Variants in CYTH3 observed in about 807,000 individuals in gnomAD.
The protein encoded by CYTH3 is cytohesin-3.
A neutral mutation model predicts 55.1 loss-of-function variants in CYTH3; 23 were observed. That is an observed-to-expected ratio of 0.42 (90% CI 0.30 to 0.59). The LOEUF (loss-of-function observed/expected upper bound fraction) is 0.59, where lower values mean the gene tolerates loss of function less well. CYTH3 is among the 20% of genes least tolerant of loss of function. The pLI, the probability that CYTH3 is intolerant of heterozygous loss-of-function variation, is 0.20. For missense variants in CYTH3, 413 were observed against 524.8 expected, an observed-to-expected ratio of 0.79 and a Z score of 2.08; for synonymous variants, 249 against 194.9, an observed-to-expected ratio of 1.28 and a Z score of -2.31.
chr7:6,170,485 T>G lies in CYTH3; in HGVS notation c.823+50A>C, dbSNP rs1783146156. On this transcript the variant is annotated intron_variant, in intron 9 of 12. Transcript: ENST00000350796. The surrounding 1 kb of genome is among the most constrained non-coding windows in gnomAD (Gnocchi z 7.8). The stretch of plus-strand genomic sequence containing the variant: ...GCCTGGGAGGAACCCGAGGGGCTGC[T>G]GCCATGGGCAGAGGGGTCACGCCCG... 1 of 1,547,762 alleles carries G rather than the reference T, an allele frequency of 6.5e-7. No homozygotes were observed. The highest frequency in any genetic ancestry group is 8.8e-7 in the Non-Finnish European group (1 of 1,130,880).
chr7:6,185,426 T>G (rs965978807), intron 4 of CYTH3, among the ~76,000 whole-genome samples: 4 of 150,716 alleles, frequency 2.7e-5, no homozygotes, highest in South Asian at 2.1e-4. Flanking sequence ...CCGGGTGCAC[T>G]GGGCTCACGC....
chr7:6,164,583 T>C lies in CYTH3; in HGVS notation c.*361A>G. The C allele has an allele frequency of 3.3e-6, 1 of 301,074 alleles. No homozygotes were observed. Among genetic ancestry groups the C allele is most frequent in the Non-Finnish European group, 6.3e-6 (1 of 158,992 alleles). 18.7% of individuals were successfully genotyped at this position (301,074 alleles called of 1,614,324 possible). A position where few individuals can be genotyped will look rare whatever the true frequency, so the allele number is the denominator to read the frequency against. ...TGTGGAATCCGTCCCGTGTCTGCTG[T>C]GGAGACAGCGGAAGCTGCTGTCCTG... On this transcript the variant is annotated 3_prime_UTR_variant, in exon 13 of 13. Coordinates refer to ENST00000350796, the MANE Select transcript of CYTH3 (RefSeq NM_004227.4).
chr7:6,194,615 G>A (rs182151844), intron 1 of CYTH3, among the ~76,000 whole-genome samples: 2 of 152,294 alleles, frequency 1.3e-5, no homozygotes, highest in East Asian at 1.9e-4. Context: ...AGGTATATCA[G>A]AAAAATTTCT....
Position 6,171,219 on chromosome 7 carries a change from C to G in CYTH3, c.545G>C (p.Gly182Ala). Residue 182 changes from glycine (G) to alanine (A), a missense_variant, in exon 7 of 13, where the codon GGG (glycine) becomes GCG (alanine). Physicochemically the swap from Gly to Ala is moderately conservative, Grantham distance 60. Coordinates refer to ENST00000350796, the MANE Select transcript of CYTH3 (RefSeq NM_004227.4). The surrounding 1 kb of genome is among the most constrained non-coding windows in gnomAD (Gnocchi z 6.7). Reference sequence around the variant, plus strand: ...GCACTGACCTGTGGACTGGAAGACCCCGGGGTTGCACAGGCAGTAGCGAGA... The same window carrying G: ...GCACTGACCTGTGGACTGGAAGACCGCGGGGTTGCACAGGCAGTAGCGAGA... Reference protein sequence around the residue: ...FASRYCLCNPGVFQSTDTCYV... With the variant: ...FASRYCLCNPAVFQSTDTCYV... The G allele has an allele frequency of 6.2e-7, 1 of 1,614,144 alleles. No homozygotes were observed. The highest frequency in any genetic ancestry group is 8.5e-7 in the Non-Finnish European group (1 of 1,180,006).
chr7:6,210,847 A>G (rs1356558837), intron 1 of CYTH3, among the ~76,000 whole-genome samples: 1 of 152,208 alleles, frequency 6.6e-6, no homozygotes, highest in Non-Finnish European at 1.5e-5. Context: ...TTCACTGATA[A>G]GAGTTGTTAC....
chr7:6,186,577 G>A (rs898935972), intron 4 of CYTH3, among the ~76,000 whole-genome samples: 2 of 152,166 alleles, frequency 1.3e-5, no homozygotes, highest in African/African-American at 2.4e-5. Flanking sequence ...GCTTTTTAAG[G>A]TGAATGGAGG....
intron 1 of CYTH3, among the ~76,000 whole-genome samples, chr7:6,265,117 G>C (rs1008843833): frequency 2.0e-5 from 3 of 152,180 alleles, no homozygotes; most frequent in Non-Finnish European, 2.9e-5. Context: ...CAATGAGACA[G>C]AGCAGAGTCA....
At position 6,170,813 on chromosome 7, in the gene CYTH3, CG is replaced by C; in HGVS notation, c.711+16del. 4 of 1,602,782 alleles carry C rather than the reference CG, an allele frequency of 2.5e-6. No individual in the cohort carries two copies. The highest frequency in any genetic ancestry group is 3.4e-6 in the Non-Finnish European group (4 of 1,174,576). ...GAGATCCTGCAGACGGCAGCGGCCG[CG>C]GGCCGGGGAGCTCACCCTCAGCAGC... On this transcript the variant is annotated intron_variant, in intron 8 of 12. Coordinates refer to ENST00000350796, the MANE Select transcript of CYTH3 (RefSeq NM_004227.4). This position sits in a 1 kb window ranked among gnomAD's most constrained non-coding sequence, Gnocchi z 7.8.
chr7:6,259,775 TATATATATAATATATATATATATATA>T (rs1562417591), intron 1 of CYTH3, among the ~76,000 whole-genome samples: 8 of 23,118 alleles, frequency 3.5e-4, no homozygotes, highest in Admixed American at 7.8e-4. Flanking sequence ...ATATATATTA[TATATATATAATATATATATATATATA>T]TATATATATA....
chr7:6,198,011 T>C (rs1783974732), intron 1 of CYTH3, among the ~76,000 whole-genome samples: 6 of 151,624 alleles, frequency 4.0e-5, no homozygotes, highest in Admixed American at 3.9e-4. Flanking sequence ...GGGGGATCGC[T>C]TGAGCCCTTG....
intron 1 of CYTH3, among the ~76,000 whole-genome samples, chr7:6,264,936 A>G (rs745712320): frequency 2.0e-5 from 3 of 152,204 alleles, no homozygotes; most frequent in Non-Finnish European, 2.9e-5. Flanking sequence ...GACAGTAACA[A>G]TGAATGTGAT....
chr7:6,180,768 G>A (rs997795110), intron 4 of CYTH3, among the ~76,000 whole-genome samples: 2 of 152,108 alleles, frequency 1.3e-5, no homozygotes, highest in African/African-American at 4.8e-5. Flanking sequence ...CAGAAATGGG[G>A]GCGGTGGCAC....
chr7:6,265,444 T>C (rs527878783), intron 1 of CYTH3, among the ~76,000 whole-genome samples: 6 of 150,720 alleles, frequency 4.0e-5, no homozygotes, highest in Admixed American at 4.0e-4. Context: ...AACCCGTATC[T>C]ATTAAAAAAA....
intron 5 of CYTH3, among the ~76,000 whole-genome samples, chr7:6,174,443 A>C (rs891412557): frequency 2.0e-5 from 3 of 151,754 alleles, no homozygotes; most frequent in African/African-American, 7.3e-5. Context: ...TCAGCAATGA[A>C]TAAGGGTTTG....
chr7:6,259,832 A>AATATATATATATATAT (rs1562418350), intron 1 of CYTH3, among the ~76,000 whole-genome samples: 1 of 17,580 alleles, frequency 5.7e-5, no homozygotes, highest in Non-Finnish European at 8.3e-5. Flanking sequence ...ATATATATAT[A>AATATATATATATATAT]TTTTTTTTTT....
At position 6,164,657 on chromosome 7, in the gene CYTH3, T is replaced by C. The variant is rs1005448284; in HGVS notation, c.*287A>G. On this transcript the variant is annotated 3_prime_UTR_variant, in exon 13 of 13. Transcript: ENST00000350796. Reference sequence around the variant, plus strand: ...GATGGTCGCAGGAAGGAAATGCTTCTGGACATGCGCAGCCGACCATGACCC... The same window carrying C: ...GATGGTCGCAGGAAGGAAATGCTTCCGGACATGCGCAGCCGACCATGACCC... The C allele has an allele frequency of 2.3e-5, 11 of 477,164 alleles. No individual in the cohort carries two copies. The highest frequency in any genetic ancestry group is 1.8e-4 in the Admixed American group (5 of 27,812). 29.6% of individuals were successfully genotyped at this position (477,164 alleles called of 1,614,324 possible).
chr7:6,250,511 C>A (rs572301654), intron 1 of CYTH3, among the ~76,000 whole-genome samples: 2 of 152,174 alleles, frequency 1.3e-5, no homozygotes, highest in Non-Finnish European at 2.9e-5. Context: ...GACACTGACA[C>A]TGAATCGAGC....
At chr7:6,248,326 C>T (rs1357155061) in intron 1 of CYTH3, among the ~76,000 whole-genome samples, 1 of 141,728 alleles carries the variant, frequency 7.1e-6, no homozygotes, top group Non-Finnish European at 1.5e-5. Context: ...TTGCTGTTTT[C>T]TAACTCTAAG....
intron 1 of CYTH3, among the ~76,000 whole-genome samples, chr7:6,259,833 T>TATATATAATATATATATATA (rs57061102): frequency 6.4e-5 from 1 of 15,628 alleles, no homozygotes; most frequent in Non-Finnish European, 8.9e-5. Flanking sequence ...TATATATATA[T>TATATATAATATATATATATA]TTTTTTTTTT....
Sources: gnomAD v4.1 joint callset for allele counts (sites outside exome capture counted in the v4.1 genomes callset) on GRCh38, gnomAD v4.1.1 for gene constraint, Gnocchi (gnomAD v3.1) non-coding constraint, MANE v1.5 for transcripts, NCBI Gene and HGNC (gene_info 2026-07-23, HGNC 2026-07-21) for gene names.